Variants in PJA2 observed in about 807,000 individuals in gnomAD.
PJA2 encodes the protein praja ring finger ubiquitin ligase 2, also known as E3 ubiquitin-protein ligase Praja-2.
In PJA2, 25 loss-of-function variants were observed where a neutral mutation model predicts 69.3. That is an observed-to-expected ratio of 0.36 (90% CI 0.26 to 0.50). The LOEUF (loss-of-function observed/expected upper bound fraction) is 0.50, where lower values mean the gene tolerates loss of function less well. Ranked by LOEUF, PJA2 falls within the 20% of genes least tolerant of loss-of-function variation. The pLI, the probability that PJA2 is intolerant of heterozygous loss-of-function variation, is 0.96. For synonymous variants in PJA2, 308 were observed against 277.8 expected, an observed-to-expected ratio of 1.11 and a Z score of -1.08; for missense variants, 809 against 830.2, an observed-to-expected ratio of 0.97 and a Z score of 0.31.
Position 109,378,591 on chromosome 5 carries a change from G to T in PJA2, c.896C>A (p.Thr299Asn). Residue 299 changes from threonine to asparagine, a missense_variant, in exon 4 of 10, where the codon ACC becomes AAC. By Grantham distance (65) the Thr-to-Asn change is moderately conservative. Transcript: ENST00000361189. ...TCCATGGTTCTTTTCCCTATCATTGGTATTTTGTTCACTACAAATATGCCC... is the reference window on the plus strand; with the variant it reads ...TCCATGGTTCTTTTCCCTATCATTGTTATTTTGTTCACTACAAATATGCCC... ...GPGHICSEQNTNDREKNHGSS... is the reference protein window; with the variant it reads ...GPGHICSEQNNNDREKNHGSS... The T allele has an allele frequency of 6.2e-7, 1 of 1,614,062 alleles. No homozygotes were observed. The highest frequency in any genetic ancestry group is 2.2e-5 in the East Asian group (1 of 44,876).
chr5:109,362,160 AG>A (rs1186976584), intron 6 of PJA2, among the ~76,000 whole-genome samples: 2 of 152,264 alleles, frequency 1.3e-5, no homozygotes, highest in Non-Finnish European at 2.9e-5. Context: ...AAGTAAAAAA[AG>A]GGATCAGTTA....
At chr5:109,377,667 G>C (rs1237750097) in intron 4 of PJA2, among the ~76,000 whole-genome samples, 6 of 151,950 alleles carry the variant, frequency 3.9e-5, no homozygotes, top group African/African-American at 1.2e-4. Flanking sequence ...TTACAAATGA[G>C]GGAAATAATG....
intron 5 of PJA2, among the ~76,000 whole-genome samples, chr5:109,365,456 C>T (rs1009801866): frequency 5.3e-5 from 8 of 152,106 alleles, no homozygotes; most frequent in Admixed American, 3.3e-4. Flanking sequence ...TGAAATGGAA[C>T]GTGTACACAT....
chr5:109,406,548 A>C (rs1747697293), intron 1 of PJA2, among the ~76,000 whole-genome samples: 1 of 152,178 alleles, frequency 6.6e-6, no homozygotes, highest in African/African-American at 2.4e-5. Flanking sequence ...ATGTGGAGCA[A>C]TTGGAACTGT....
chr5:109,409,603 C>T (rs1378672677), intron 1 of PJA2, among the ~76,000 whole-genome samples: 1 of 151,984 alleles, frequency 6.6e-6, no homozygotes, highest in Non-Finnish European at 1.5e-5. Context: ...GCGCGACCGT[C>T]CCGGATAGGA....
chr5:109,375,193 A>T (rs1049952272), intron 4 of PJA2, among the ~76,000 whole-genome samples: 2 of 152,296 alleles, frequency 1.3e-5, no homozygotes, highest in Middle Eastern at 3.4e-3. Context: ...TCATATTTTT[A>T]AAAAGTAGCC....
chr5:109,380,592 G>A (rs1297667753), intron 3 of PJA2, among the ~76,000 whole-genome samples: 1 of 151,398 alleles, frequency 6.6e-6, no homozygotes, highest in South Asian at 2.1e-4. Context: ...CGGACCACTT[G>A]AGGTCAGGAG....
intron 4 of PJA2, among the ~76,000 whole-genome samples, chr5:109,369,965 G>A (rs1349638752): frequency 2.0e-5 from 3 of 150,438 alleles, no homozygotes; most frequent in Non-Finnish European, 3.0e-5. Flanking sequence ...TTGGGAGGTG[G>A]AGGTTGCAGT....
intron 7 of PJA2, among the ~76,000 whole-genome samples, chr5:109,350,023 A>C (rs560015820): frequency 2.6e-5 from 4 of 152,186 alleles, no homozygotes; most frequent in African/African-American, 4.8e-5. Flanking sequence ...AACAGAAATA[A>C]GGGATGTTAT....
intron 9 of PJA2, among the ~76,000 whole-genome samples, chr5:109,340,622 C>CT (rs373352349): frequency 0.82 from 886 of 1,074 alleles, 370 homozygotes; most frequent in South Asian, 1. Context: ...TTGGGTCCCT[C>CT]CCCCTCCCCC....
chr5:109,348,640 C>A (rs543155392), intron 7 of PJA2, among the ~76,000 whole-genome samples: 2 of 152,162 alleles, frequency 1.3e-5, no homozygotes, highest in South Asian at 4.2e-4. Context: ...TGCTTTCATG[C>A]CCAACAGTAA....
At chr5:109,371,678 A>C (rs1032531153) in intron 4 of PJA2, among the ~76,000 whole-genome samples, 1 of 152,248 alleles carries the variant, frequency 6.6e-6, no homozygotes, top group Non-Finnish European at 1.5e-5. Flanking sequence ...GTATGTTTAT[A>C]GTATTACTCC....
At chr5:109,396,332 A>C (rs1747407306) in intron 1 of PJA2, among the ~76,000 whole-genome samples, 1 of 152,082 alleles carries the variant, frequency 6.6e-6, no homozygotes, top group African/African-American at 2.4e-5. Flanking sequence ...TCAGTCCAAA[A>C]GGTACGGCAA....
intron 7 of PJA2, among the ~76,000 whole-genome samples, chr5:109,349,162 G>A (rs897658962): frequency 2.0e-5 from 3 of 152,162 alleles, no homozygotes; most frequent in African/African-American, 7.2e-5. Context: ...AAATTTAAAT[G>A]TGCATTGAAA....
chr5:109,384,701 A>G (rs1199593833), intron 1 of PJA2, among the ~76,000 whole-genome samples: 1 of 152,244 alleles, frequency 6.6e-6, no homozygotes, highest in Non-Finnish European at 1.5e-5. Context: ...ACAAGTTATG[A>G]TCCTTTAAAG....
At chr5:109,398,575 T>C (rs1020885195) in intron 1 of PJA2, among the ~76,000 whole-genome samples, 2 of 134,616 alleles carry the variant, frequency 1.5e-5, no homozygotes, top group African/African-American at 5.7e-5. Flanking sequence ...AGGTGGGAAC[T>C]GAACAAGGAG....
chr5:109,342,719 C>G (rs1391016408), intron 9 of PJA2, among the ~76,000 whole-genome samples: 5 of 133,372 alleles, frequency 3.7e-5, no homozygotes, highest in Admixed American at 2.1e-4. Flanking sequence ...TCAGCCCCCC[C>G]GCCCGGCCAG....
At chr5:109,362,625 C>T (rs965155199) in intron 6 of PJA2, among the ~76,000 whole-genome samples, 1 of 152,074 alleles carries the variant, frequency 6.6e-6, no homozygotes, top group Non-Finnish European at 1.5e-5. Context: ...AGGTGAGCTT[C>T]AAGAGAGCTA....
chr5:109,352,815 T>C (rs964711829), intron 7 of PJA2, among the ~76,000 whole-genome samples: 1 of 150,828 alleles, frequency 6.6e-6, no homozygotes, highest in African/African-American at 2.4e-5. Flanking sequence ...ATATTAGATA[T>C]CTATAATATC....
Sources: gnomAD v4.1 joint callset for allele counts (sites outside exome capture counted in the v4.1 genomes callset) on GRCh38, gnomAD v4.1.1 for gene constraint, MANE v1.5 for transcripts, NCBI Gene and HGNC (gene_info 2026-07-23, HGNC 2026-07-21) for gene names.